Variants in CEP83 observed in about 807,000 individuals in gnomAD.
The protein encoded by CEP83 is centrosomal protein of 83 kDa.
A neutral mutation model predicts 101.9 loss-of-function variants in CEP83; 70 were observed. That is an observed-to-expected ratio of 0.69 (90% confidence interval 0.57 to 0.84). The LOEUF (loss-of-function observed/expected upper bound fraction) is 0.84, where lower values mean the gene tolerates loss of function less well. Ranked by LOEUF, CEP83 falls within the 40% of genes least tolerant of loss-of-function variation. CEP83 has a pLI of 0.00. For missense variants in CEP83, 715 were observed against 787.2 expected (o/e 0.91, Z 1.10); for synonymous variants, 264 against 267.9 (o/e 0.99, Z 0.14).
chr12:94,451,027 T>C (rs553529130), intron 1 of CEP83, among the ~76,000 whole-genome samples: 197 of 152,350 alleles, frequency 1.3e-3, no homozygotes, highest in South Asian at 2.5e-3. Context: ...TCTTACATTA[T>C]AGTCAACTGA....
chr12:94,409,339 C>T (rs1296584436), intron 4 of CEP83, among the ~76,000 whole-genome samples: 1 of 151,406 alleles, frequency 6.6e-6, no homozygotes, highest in African/African-American at 2.4e-5. Context: ...AAAACAGAAG[C>T]CTTACTAGAT....
chr12:94,415,111 A>C (rs1194253085), intron 2 of CEP83, among the ~76,000 whole-genome samples: 1 of 152,104 alleles, frequency 6.6e-6, no homozygotes, highest in Non-Finnish European at 1.5e-5. Flanking sequence ...CAAAATATGA[A>C]TTTGGAAAAA....
intron 11 of CEP83, among the ~76,000 whole-genome samples, chr12:94,366,583 G>C (rs1324018100): frequency 2.6e-5 from 4 of 152,060 alleles, no homozygotes; most frequent in African/African-American, 9.7e-5. Context: ...TGCTGGAACA[G>C]AACTGGAAAT....
the CEP83 span, among the ~76,000 whole-genome samples, chr12:94,278,859 A>G: frequency 3.3e-5 from 5 of 152,108 alleles, no homozygotes; most frequent in Non-Finnish European, 7.4e-5. Flanking sequence ...TTAGCCAGGC[A>G]TGGTGGCATG....
downstream of CEP83, chr12:94,304,033 C>T (rs143293787): frequency 4.3e-5 from 67 of 1,558,102 alleles, no homozygotes; most frequent in African/African-American, 6.1e-4. Context: ...ACAAATACAT[C>T]GTAAAATATT....
chr12:94,353,686 C>T (rs1297658975), intron 11 of CEP83, among the ~76,000 whole-genome samples: 1 of 151,478 alleles, frequency 6.6e-6, no homozygotes, highest in African/African-American at 2.4e-5. Context: ...CTAAACACAA[C>T]TCACTTCACC....
At chr12:94,452,371 T>C (rs2067322537) in intron 1 of CEP83, among the ~76,000 whole-genome samples, 1 of 152,130 alleles carries the variant, frequency 6.6e-6, no homozygotes, top group Admixed American at 6.5e-5. Context: ...TAAAAAGGGC[T>C]AGGTAGAAGA....
the CEP83 span, among the ~76,000 whole-genome samples, chr12:94,284,753 A>ATG: frequency 6.6e-6 from 1 of 151,964 alleles, no homozygotes; most frequent in African/African-American, 2.4e-5. Flanking sequence ...CTCTTACAAG[A>ATG]TGTAGGGGTA....
In CEP83 at chr12:94,333,648, A is replaced by G. The variant is rs1168664980; in HGVS notation, c.1420-9T>C. Reference sequence around the variant, plus strand: ...TGCAAACTACTGATTTGCTTAAAAGAGAAGAAAGAAGATAAATTAAAGCCC... The same window carrying G: ...TGCAAACTACTGATTTGCTTAAAAGGGAAGAAAGAAGATAAATTAAAGCCC... On this transcript the variant is annotated splice_polypyrimidine_tract_variant and intron_variant, in intron 12 of 16. Coordinates refer to ENST00000397809, the MANE Select transcript of CEP83 (RefSeq NM_016122.3). 1.2e-6 allele frequency: 2 copies of G among 1,608,354 alleles called. No homozygotes were observed. The highest frequency in any genetic ancestry group is 2.2e-5 in the East Asian group (1 of 44,784).
At chr12:94,289,216 A>G in the CEP83 span, among the ~76,000 whole-genome samples, 4 of 152,198 alleles carry the variant, frequency 2.6e-5, no homozygotes, top group African/African-American at 7.2e-5. Flanking sequence ...TATTTTGGAA[A>G]TGACTTAAAG....
chr12:94,332,718 T>G (rs2059276898), intron 13 of CEP83, among the ~76,000 whole-genome samples: 1 of 152,164 alleles, frequency 6.6e-6, no homozygotes, highest in Non-Finnish European at 1.5e-5. Flanking sequence ...TCTTGCTTAC[T>G]TCCTTTTCTT....
At chr12:94,360,657 T>C (rs1025869547) in intron 11 of CEP83, among the ~76,000 whole-genome samples, 3 of 152,078 alleles carry the variant, frequency 2.0e-5, no homozygotes, top group South Asian at 2.1e-4. Flanking sequence ...GAGATTAATA[T>C]TGTTAACATG....
At position 94,411,805 on chromosome 12, in the gene CEP83, G is replaced by T. The variant is rs747813874; in HGVS notation, c.216C>A (p.His72Gln). 1 of 1,612,766 alleles carries T rather than the reference G, an allele frequency of 6.2e-7. No homozygotes were observed. The highest frequency in any genetic ancestry group is 8.5e-7 in the Non-Finnish European group (1 of 1,179,532). ...GCTGAGTTTGCTTTTCATTAAACAG[G>T]TGCTTGAGTTCATTTTGTAACTTTA... The part of the protein sequence containing the change: ...EHVKLQNELK[H>Q]LFNEKQTQQE... Residue 72 changes from histidine (H) to glutamine (Q), a missense_variant, in exon 4 of 17, where the codon CAC (histidine) becomes CAA (glutamine). By Grantham distance (24) the His-to-Gln change is conservative. Coordinates refer to ENST00000397809, the MANE Select transcript of CEP83 (RefSeq NM_016122.3).
intron 6 of CEP83, among the ~76,000 whole-genome samples, chr12:94,394,610 C>G (rs545397367): frequency 2.0e-5 from 3 of 152,100 alleles, no homozygotes; most frequent in Non-Finnish European, 2.9e-5. Flanking sequence ...GCAACAAAAG[C>G]CAAAATTGAC....
intron 14 of CEP83, among the ~76,000 whole-genome samples, chr12:94,316,561 C>G (rs1483075769): frequency 6.8e-6 from 1 of 147,368 alleles, no homozygotes; most frequent in Non-Finnish European, 1.5e-5. Context: ...TTTTTCTGAT[C>G]CTCTCCTTCC....
the CEP83 span, chr12:94,294,547 A>AAT: frequency 8.4e-7 from 1 of 1,187,898 alleles, no homozygotes; most frequent in Non-Finnish European, 1.2e-6. Flanking sequence ...TCAGGTAACC[A>AAT]ATATAATATT....
chr12:94,347,161 G>C (rs2059980600), intron 11 of CEP83, among the ~76,000 whole-genome samples: 1 of 151,266 alleles, frequency 6.6e-6, no homozygotes. Flanking sequence ...GAAAATATCT[G>C]TAAAATATGT....
chr12:94,329,118 C>T (rs977572210), intron 14 of CEP83, among the ~76,000 whole-genome samples: 5 of 152,134 alleles, frequency 3.3e-5, no homozygotes, highest in African/African-American at 1.2e-4. Flanking sequence ...TGACTTAAAT[C>T]ACAATCCATA....
In CEP83 at chr12:94,380,542, T is replaced by C. The variant is rs577829216; in HGVS notation, c.550-1500A>G. Among the ~76,000 whole-genome samples, 151 of 152,332 alleles carry C rather than the reference T, an allele frequency of 9.9e-4. No individual in the cohort carries two copies. In the South Asian group the frequency reaches 0.03, roughly 30 times the overall value. ...GATTACTTTTTTATCCACTGTATTC[T>C]GTCCTCAGTTTAAATGAAGAACTTG... is the stretch of plus-strand genomic sequence containing the variant. On this transcript the variant is annotated intron_variant, in intron 6 of 16. Coordinates refer to ENST00000397809, the MANE Select transcript of CEP83 (RefSeq NM_016122.3).
Sources: allele counts gnomAD v4.1 joint callset (sites outside exome capture counted in the v4.1 genomes callset), GRCh38; gene constraint gnomAD v4.1.1; transcripts MANE v1.5; gene names NCBI Gene and HGNC (gene_info 2026-07-23, HGNC 2026-07-21).